The following TNS1 variants were observed in gnomAD, a reference collection of about 807,000 sequenced individuals.
The protein encoded by TNS1 is tensin-1.
Under a neutral mutation model 168.6 loss-of-function variants are expected in TNS1, and 62 were observed. That is an observed-to-expected ratio of 0.37 (90% confidence interval 0.30 to 0.45). The LOEUF is 0.45. TNS1 is among the 20% of genes least tolerant of loss of function. The pLI is 1.00. For missense variants in TNS1, 2,240 were observed against 2,339.4 expected (o/e 0.96, Z 0.88); for synonymous variants, 934 against 933.2 (o/e 1.00, Z -0.02).
intron 3 of TNS1, among the ~76,000 whole-genome samples, chr2:217,951,560 C>A (rs1957242511): frequency 6.6e-6 from 1 of 152,162 alleles, no homozygotes; most frequent in Non-Finnish European, 1.5e-5. Flanking sequence ...AGCAAGCCGG[C>A]AGGGCCTCAG....
upstream of TNS1, among the ~76,000 whole-genome samples, chr2:218,004,874 C>T (rs375850861): frequency 1.9e-3 from 297 of 152,348 alleles, 5 homozygotes; most frequent in South Asian, 0.047. Flanking sequence ...TTTTAGCCAA[C>T]GCTGAAATGA....
At chr2:218,025,126 C>T (rs1489333568) in intron 1 of TNS1, among the ~76,000 whole-genome samples, 1 of 152,180 alleles carries the variant, frequency 6.6e-6, no homozygotes, top group Non-Finnish European at 1.5e-5. Context: ...CCTCTGACTC[C>T]CTGGACCAAA....
intron 2 of TNS1, among the ~76,000 whole-genome samples, chr2:217,980,717 T>C (rs78084776): frequency 0.018 from 2,704 of 152,102 alleles, 41 homozygotes; most frequent in Middle Eastern, 0.031. Flanking sequence ...AAAAGGCATC[T>C]CTAAGCATCC....
chr2:217,830,124 A>G, intron 22 of TNS1: 7 of 491,668 alleles, frequency 1.4e-5, no homozygotes, highest in Non-Finnish European at 1.8e-5. Context: ...AAGGACCCCA[A>G]GGCTCCGAGG....
intron 19 of TNS1, among the ~76,000 whole-genome samples, chr2:217,844,883 C>T (rs1469253643): frequency 6.6e-6 from 1 of 152,230 alleles, no homozygotes; most frequent in Non-Finnish European, 1.5e-5. Context: ...CTCTCCAACT[C>T]TGACTCTTAT....
At chr2:217,890,856 C>T in intron 12 of TNS1, 106 bp downstream of exon 12, 1 of 1,274,664 alleles carries the variant, frequency 7.8e-7, no homozygotes, top group Non-Finnish European at 1.1e-6. Flanking sequence ...CCTGGTACAC[C>T]CCCACCTAGG....
intron 3 of TNS1, among the ~76,000 whole-genome samples, chr2:217,923,828 G>T (rs1233281410): frequency 6.6e-6 from 1 of 152,184 alleles, no homozygotes; most frequent in Non-Finnish European, 1.5e-5. Flanking sequence ...GCGAGGTGGA[G>T]CCCCGTGGGT....
At chr2:217,983,823 G>T (rs1223092302) in intron 2 of TNS1, among the ~76,000 whole-genome samples, 1 of 152,174 alleles carries the variant, frequency 6.6e-6, no homozygotes, top group African/African-American at 2.4e-5. Flanking sequence ...CAGGACCTGG[G>T]CTGGAGGTAT....
intron 28 of TNS1, 144 bp downstream of exon 28, chr2:217,812,224 A>T: frequency 1.7e-6 from 1 of 582,490 alleles, no homozygotes. Context: ...GAAGAAAAGG[A>T]GAGTAGTTTT....
chr2:217,994,220 T>C (rs1958428320), intron 1 of TNS1, among the ~76,000 whole-genome samples: 1 of 152,142 alleles, frequency 6.6e-6, no homozygotes. Context: ...GTCTCCTCTG[T>C]TCATCTATCT....
intron 3 of TNS1, among the ~76,000 whole-genome samples, chr2:217,946,955 T>TCACACACA (rs1291975623): frequency 1.8e-5 from 2 of 113,652 alleles, no homozygotes; most frequent in Non-Finnish European, 3.4e-5. Context: ...TCTCTCTCTC[T>TCACACACA]CTCTCTCTCT....
At chr2:217,853,861 G>A (rs1401401677) in intron 18 of TNS1, among the ~76,000 whole-genome samples, 1 of 152,244 alleles carries the variant, frequency 6.6e-6, no homozygotes, top group Non-Finnish European at 1.5e-5. Flanking sequence ...AGGGTGCAGA[G>A]GTGTGTGCGG....
intron 22 of TNS1, chr2:217,830,271 G>A: frequency 6.7e-7 from 1 of 1,497,994 alleles, no homozygotes. Flanking sequence ...GATCCCCCGT[G>A]GCTCAGTGTC....
intron 3 of TNS1, among the ~76,000 whole-genome samples, chr2:217,964,699 A>T (rs1957580050): frequency 6.6e-6 from 1 of 152,048 alleles, no homozygotes; most frequent in African/African-American, 2.4e-5. Context: ...TCCTCCAACC[A>T]CATGTGACCC....
intron 18 of TNS1, among the ~76,000 whole-genome samples, chr2:217,855,984 C>A (rs1217175325): frequency 2.6e-5 from 4 of 152,188 alleles, no homozygotes; most frequent in African/African-American, 9.7e-5. Flanking sequence ...TACACTCCAG[C>A]CCAGTGGACA....
chr2:217,857,541 C>T (rs1016520104), intron 18 of TNS1, among the ~76,000 whole-genome samples: 5 of 152,178 alleles, frequency 3.3e-5, no homozygotes, highest in Admixed American at 1.3e-4. Context: ...AATGTGTCCC[C>T]GGACCCTCCT....
At chr2:217,923,926 C>G (rs1445773434) in intron 3 of TNS1, among the ~76,000 whole-genome samples, 1 of 152,178 alleles carries the variant, frequency 6.6e-6, no homozygotes, top group Non-Finnish European at 1.5e-5. Context: ...ATTTTCTCAA[C>G]TTCAAAGGTC....
upstream of TNS1, among the ~76,000 whole-genome samples, chr2:218,013,967 C>T (rs1447668295): frequency 6.6e-6 from 1 of 152,186 alleles, no homozygotes; most frequent in Non-Finnish European, 1.5e-5. Flanking sequence ...CCCTTATTCC[C>T]CCAGAGAAGC....
chr2:217,970,357 CAT>C (rs1389479605), intron 3 of TNS1, among the ~76,000 whole-genome samples: 2 of 152,196 alleles, frequency 1.3e-5, no homozygotes, highest in Non-Finnish European at 1.5e-5. Flanking sequence ...AAACATTAAA[CAT>C]AGAGTTACCC....
Sources: allele counts gnomAD v4.1 joint callset (sites outside exome capture counted in the v4.1 genomes callset), GRCh38; gene constraint gnomAD v4.1.1; transcripts MANE v1.5; gene names NCBI Gene and HGNC (gene_info 2026-07-23, HGNC 2026-07-21).